FOXP2: variants seen among roughly 807,000 people sequenced by gnomAD.
FOXP2 encodes the protein forkhead box P2, also known as forkhead box protein P2.
A neutral mutation model predicts 115.8 loss-of-function variants in FOXP2; 12 were observed. The ratio of observed to expected loss-of-function variants is 0.10; its 90% CI spans 0.07 to 0.17. The LOEUF (loss-of-function observed/expected upper bound fraction) is 0.17, where lower values mean the gene tolerates loss of function less well. FOXP2 is among the 10% of genes least tolerant of loss of function. The pLI is 1.00. For missense variants in FOXP2, 629 were observed against 843.5 expected (o/e 0.75, Z 3.15); for synonymous variants, 328 against 297.7 (o/e 1.10, Z -1.05).
At chr7:114,622,060 G>T (rs1378373757) in intron 3 of FOXP2, among the ~76,000 whole-genome samples, 2 of 151,948 alleles carry the variant, frequency 1.3e-5, no homozygotes, top group Non-Finnish European at 2.9e-5. Context: ...TCATACATTT[G>T]TGTTTCAGTA....
At chr7:114,483,154 C>A (rs565382265) in intron 2 of FOXP2, among the ~76,000 whole-genome samples, 2 of 151,360 alleles carry the variant, frequency 1.3e-5, no homozygotes, top group Admixed American at 1.3e-4. Context: ...TTGAAGTCAT[C>A]CTGTATTTCT....
intron 2 of FOXP2, chr7:114,499,526 T>C (rs976081433): frequency 4.6e-5 from 7 of 152,184 alleles, no homozygotes; most frequent in Non-Finnish European, 1.0e-4. Flanking sequence ...ATAGTTCTGT[T>C]TGTGAGCAAC....
chr7:114,213,562 C>G (rs73206266), intron 1 of FOXP2, among the ~76,000 whole-genome samples: 13 of 152,240 alleles, frequency 8.5e-5, no homozygotes, highest in Non-Finnish European at 1.9e-4. Flanking sequence ...TTTTATCTCA[C>G]AGCTTCATAT....
At chr7:114,297,329 C>T (rs1392667199) in intron 2 of FOXP2, 3 of 596,406 alleles carry the variant, frequency 5.0e-6, no homozygotes, top group African/African-American at 1.9e-5. Flanking sequence ...TGTGCTTGGT[C>T]AGGCGCCCGT....
At chr7:114,100,911 C>T (rs1254734359) in intron 1 of FOXP2, among the ~76,000 whole-genome samples, 1 of 152,154 alleles carries the variant, frequency 6.6e-6, no homozygotes, top group Non-Finnish European at 1.5e-5. Flanking sequence ...TTATGAATGG[C>T]AAGTCTGAGT....
chr7:114,638,260 T>C (rs1805332055), intron 6 of FOXP2, among the ~76,000 whole-genome samples: 1 of 152,160 alleles, frequency 6.6e-6, no homozygotes, highest in Non-Finnish European at 1.5e-5. Context: ...CAAATAGAAT[T>C]GGAAAACGCT....
intron 2 of FOXP2, among the ~76,000 whole-genome samples, chr7:114,498,523 G>A (rs750872996): frequency 6.6e-6 from 1 of 151,974 alleles, no homozygotes; most frequent in Non-Finnish European, 1.5e-5. Flanking sequence ...TAACTTTAAA[G>A]AGCCATATAA....
intron 3 of FOXP2, among the ~76,000 whole-genome samples, chr7:114,609,063 A>G (rs970106818): frequency 4.0e-5 from 6 of 151,830 alleles, no homozygotes; most frequent in Non-Finnish European, 7.4e-5. Context: ...ACAAAACAAA[A>G]TTAGCTGGGT....
At chr7:114,408,615 T>C (rs1251658026) in intron 2 of FOXP2, among the ~76,000 whole-genome samples, 1 of 152,008 alleles carries the variant, frequency 6.6e-6, no homozygotes, top group East Asian at 1.9e-4. Flanking sequence ...TAATCCCAGC[T>C]ACTCAGGAGG....
intron 2 of FOXP2, among the ~76,000 whole-genome samples, chr7:114,309,237 C>A (rs1316281163): frequency 6.6e-6 from 1 of 152,162 alleles, no homozygotes; most frequent in Non-Finnish European, 1.5e-5. Flanking sequence ...GTGCAGTTGT[C>A]ACTTGGCTCT....
At chr7:114,451,096 C>T (rs929401946) in intron 2 of FOXP2, among the ~76,000 whole-genome samples, 1 of 151,926 alleles carries the variant, frequency 6.6e-6, no homozygotes, top group Non-Finnish European at 1.5e-5. Flanking sequence ...TTATAGTGTA[C>T]ATATTGAGAG....
chr7:114,322,125 C>T (rs904469963), intron 2 of FOXP2, among the ~76,000 whole-genome samples: 36 of 150,674 alleles, frequency 2.4e-4, no homozygotes, highest in Non-Finnish European at 3.5e-4. Context: ...TGGGCTCAAG[C>T]AATCCCCCTG....
At position 114,691,943 on chromosome 7, in the gene FOXP2, GAA is replaced by G. The variant is rs750710459; in HGVS notation, c.*2029_*2030del. Reference sequence around the variant, plus strand: ...TTCTACCTCTGCAAAAAAAAAAAAAGAAAAAAAAAAAAAGAAAAACATTAGAA... The same window carrying G: ...TTCTACCTCTGCAAAAAAAAAAAAAGAAAAAAAAAAAGAAAAACATTAGAA... On this transcript the variant is annotated 3_prime_UTR_variant, in exon 17 of 17. Transcript: ENST00000350908. 318 of 364,662 alleles carry G rather than the reference GAA, an allele frequency of 8.7e-4. No homozygotes were observed. The highest frequency in any genetic ancestry group is 1.2e-3 in the Non-Finnish European group (229 of 196,514). The allele number at this position is 364,662 out of a possible 1,614,324, so 22.6% of individuals were successfully genotyped here. A position where few individuals can be genotyped will look rare whatever the true frequency, so the allele number is the denominator to read the frequency against.
chr7:114,378,633 A>G (rs1792199314), intron 2 of FOXP2, among the ~76,000 whole-genome samples: 3 of 140,426 alleles, frequency 2.1e-5, no homozygotes, highest in South Asian at 4.8e-4. Flanking sequence ...GCAGTGAGCC[A>G]TACTCGAACC....
intron 8 of FOXP2, among the ~76,000 whole-genome samples, chr7:114,648,265 G>A (rs935918627): frequency 6.6e-6 from 1 of 152,010 alleles, no homozygotes; most frequent in African/African-American, 2.4e-5. Context: ...TTTGGTGACA[G>A]TGCCCCCCCA....
intron 3 of FOXP2, among the ~76,000 whole-genome samples, chr7:114,619,731 A>G (rs1474721162): frequency 6.6e-6 from 1 of 151,976 alleles, no homozygotes; most frequent in East Asian, 1.9e-4. Flanking sequence ...GTAATGTTTG[A>G]AAGTATGAAT....
intron 16 of FOXP2, chr7:114,667,628 A>T (rs1480983231): frequency 6.6e-6 from 1 of 152,120 alleles, no homozygotes; most frequent in Non-Finnish European, 1.5e-5. Flanking sequence ...AAAGGAATTT[A>T]GAATACATAA....
intron 6 of FOXP2, among the ~76,000 whole-genome samples, chr7:114,640,811 G>T (rs1306232242): frequency 2.0e-5 from 3 of 152,100 alleles, no homozygotes; most frequent in Admixed American, 6.6e-5. Context: ...TAAGAACATA[G>T]ATTTTGGAGC....
At chr7:114,173,548 A>T (rs1458471920) in intron 1 of FOXP2, among the ~76,000 whole-genome samples, 2 of 151,886 alleles carry the variant, frequency 1.3e-5, no homozygotes, top group East Asian at 3.9e-4. Flanking sequence ...CAGGCTCTGG[A>T]TATAGCTAGG....
Sources: gnomAD v4.1 joint callset for allele counts (sites outside exome capture counted in the v4.1 genomes callset) on GRCh38, gnomAD v4.1.1 for gene constraint, MANE v1.5 for transcripts, NCBI Gene and HGNC (gene_info 2026-07-23, HGNC 2026-07-21) for gene names.